The following DPYD variants were observed in gnomAD, a reference collection of about 807,000 sequenced individuals.
The protein encoded by DPYD is dihydropyrimidine dehydrogenase.
A neutral mutation model predicts 116.2 loss-of-function variants in DPYD; 109 were observed. That is an observed-to-expected ratio of 0.94 (90% CI 0.80 to 1.10). The LOEUF (loss-of-function observed/expected upper bound fraction) is 1.10, where lower values mean the gene tolerates loss of function less well. Ranked by LOEUF, DPYD falls within the 50% of genes least tolerant of loss-of-function variation. The pLI is 0.00. For missense variants in DPYD, 1,302 were observed against 1,254.5 expected (o/e 1.04, Z -0.57); for synonymous variants, 440 against 432.0 (o/e 1.02, Z -0.23).
chr1:97,315,151 G>C (rs1667743114), intron 16 of DPYD, among the ~76,000 whole-genome samples: 1 of 151,994 alleles, frequency 6.6e-6, no homozygotes, highest in Non-Finnish European at 1.5e-5. Context: ...GCAGGCAACT[G>C]CAACAGACAC....
chr1:97,251,677 T>C (rs1258482434), intron 18 of DPYD, among the ~76,000 whole-genome samples: 3 of 152,128 alleles, frequency 2.0e-5, no homozygotes, highest in Admixed American at 1.3e-4. Context: ...ACACACATTG[T>C]CAGTGATAAA....
At chr1:97,581,100 T>A (rs891413418) in intron 10 of DPYD, among the ~76,000 whole-genome samples, 1 of 151,784 alleles carries the variant, frequency 6.6e-6, no homozygotes, top group Admixed American at 6.6e-5. Flanking sequence ...GGTCTGGAGA[T>A]CCAGACCATC....
intron 20 of DPYD, among the ~76,000 whole-genome samples, chr1:97,167,966 A>G (rs1173647855): frequency 1.3e-5 from 2 of 152,186 alleles, no homozygotes; most frequent in East Asian, 3.9e-4. Flanking sequence ...AATAGTCATA[A>G]GTACATTATT....
At chr1:97,258,782 T>C (rs930540132) in intron 18 of DPYD, among the ~76,000 whole-genome samples, 6 of 152,158 alleles carry the variant, frequency 3.9e-5, no homozygotes, top group South Asian at 2.1e-4. Context: ...TTGTATATGA[T>C]GGTGGTGTTG....
rs191957357 is a variant in DPYD, at chr1:97,465,590, T to C, written c.1741-15367A>G. On this transcript the variant is annotated intron_variant, in intron 13 of 22. Coordinates refer to ENST00000370192, the MANE Select transcript of DPYD (RefSeq NM_000110.4). ...GATGGTTTTATAAAAGGAGTTTTTC[T>C]GCACAAGCTCTCTCTTTCTTTGCCT... Among the ~76,000 whole-genome samples, 383 of 152,302 alleles carry C rather than the reference T, an allele frequency of 2.5e-3. 2 individuals are homozygous for C. The highest frequency in any genetic ancestry group is 0.012 in the Admixed American group (179 of 15,296).
At chr1:97,590,794 C>T (rs188009785) in intron 10 of DPYD, among the ~76,000 whole-genome samples, 4 of 152,254 alleles carry the variant, frequency 2.6e-5, no homozygotes, top group Non-Finnish European at 5.9e-5. Flanking sequence ...TCACATTAAC[C>T]AATAGCTCAC....
At chr1:97,234,714 T>C in intron 19 of DPYD, 138 bp downstream of exon 19, 1 of 1,052,762 alleles carries the variant, frequency 9.5e-7, no homozygotes, top group Non-Finnish European at 1.4e-6. Context: ...AGGAACTTAA[T>C]ACATGCTGCC....
chr1:97,754,258 G>A (rs1468671895), intron 3 of DPYD, among the ~76,000 whole-genome samples: 2 of 152,008 alleles, frequency 1.3e-5, no homozygotes, highest in African/African-American at 4.8e-5. Context: ...GATTTTTTGA[G>A]AAAATTAGCC....
At chr1:97,253,808 C>G (rs1663266641) in intron 18 of DPYD, among the ~76,000 whole-genome samples, 1 of 151,930 alleles carries the variant, frequency 6.6e-6, no homozygotes, top group African/African-American at 2.4e-5. Context: ...AAAAGTTTCC[C>G]CTATATAACA....
At chr1:97,773,975 C>G (rs973484008) in intron 3 of DPYD, among the ~76,000 whole-genome samples, 5 of 152,180 alleles carry the variant, frequency 3.3e-5, no homozygotes, top group African/African-American at 1.2e-4. Context: ...TTAACACAAG[C>G]TGCCTGTGGA....
intron 21 of DPYD, among the ~76,000 whole-genome samples, chr1:97,090,882 A>G (rs1184336380): frequency 6.6e-6 from 1 of 152,168 alleles, no homozygotes; most frequent in Non-Finnish European, 1.5e-5. Flanking sequence ...AATCTCCTGC[A>G]GTCCTTAGCA....
chr1:97,482,108 T>C (rs1200723782), intron 13 of DPYD, among the ~76,000 whole-genome samples: 4 of 152,164 alleles, frequency 2.6e-5, no homozygotes, highest in Admixed American at 2.0e-4. Context: ...TTGACAACAA[T>C]TGAACAAGCG....
chr1:97,279,614 G>A (rs983030707), intron 18 of DPYD, among the ~76,000 whole-genome samples: 2 of 152,120 alleles, frequency 1.3e-5, no homozygotes, highest in East Asian at 1.9e-4. Flanking sequence ...GAGTTCGAGC[G>A]ATTCTCCTGC....
chr1:97,581,263 G>C (rs2811209), intron 10 of DPYD, among the ~76,000 whole-genome samples: 17,350 of 137,460 alleles, frequency 0.13, 1,112 homozygotes, highest in Middle Eastern at 0.19. Flanking sequence ...GGAAGTGGAG[G>C]TTGCAGTGAG....
At chr1:97,415,219 G>A (rs1355746200) in intron 14 of DPYD, among the ~76,000 whole-genome samples, 4 of 152,140 alleles carry the variant, frequency 2.6e-5, no homozygotes, top group Non-Finnish European at 5.9e-5. Flanking sequence ...AACACACATA[G>A]TTTTCAGACT....
chr1:97,266,196 T>C (rs1379784100), intron 18 of DPYD, among the ~76,000 whole-genome samples: 1 of 152,202 alleles, frequency 6.6e-6, no homozygotes, highest in Non-Finnish European at 1.5e-5. Context: ...CTGTGTCATT[T>C]GTTCCTTTGA....
chr1:97,242,583 T>C (rs1186662477), intron 18 of DPYD, among the ~76,000 whole-genome samples: 14 of 151,834 alleles, frequency 9.2e-5, no homozygotes. Context: ...CAAGTTTATA[T>C]ATATATACTT....
chr1:97,106,120 T>C (rs1297010971), intron 20 of DPYD, among the ~76,000 whole-genome samples: 2 of 152,060 alleles, frequency 1.3e-5, no homozygotes, highest in Admixed American at 6.6e-5. Context: ...TGTAGGATGA[T>C]GGCGGTAGCA....
chr1:97,888,882 G>C (rs1672634644), intron 1 of DPYD, among the ~76,000 whole-genome samples: 1 of 152,144 alleles, frequency 6.6e-6, no homozygotes, highest in African/African-American at 2.4e-5. Flanking sequence ...TCTTGGCCAG[G>C]CATGATGGCT....
Sources: gnomAD v4.1 joint callset for allele counts (sites outside exome capture counted in the v4.1 genomes callset) on GRCh38, gnomAD v4.1.1 for gene constraint, MANE v1.5 for transcripts, NCBI Gene and HGNC (gene_info 2026-07-23, HGNC 2026-07-21) for gene names.